NDST4: variants seen among roughly 807,000 people sequenced by gnomAD.
NDST4 encodes N-heparan sulfate sulfotransferase 4.
NDST4 carries 63 observed loss-of-function variants against 100.8 expected under a neutral mutation model. That is an observed-to-expected ratio of 0.62 (90% confidence interval 0.51 to 0.77). NDST4 has a LOEUF of 0.77. Ranked by LOEUF, NDST4 falls within the 30% of genes least tolerant of loss-of-function variation. The probability of loss-of-function intolerance (pLI) is 0.00; values close to 1 mark genes in which losing one functional copy is unlikely to be tolerated. For synonymous variants in NDST4, 377 were observed against 361.8 expected, an observed-to-expected ratio of 1.04 and a Z score of -0.48; for missense variants, 943 against 1,018.4, an observed-to-expected ratio of 0.93 and a Z score of 1.01.
intron 6 of NDST4, among the ~76,000 whole-genome samples, chr4:114,888,691 TTA>T (rs1174507722): frequency 1.3e-5 from 2 of 152,178 alleles, no homozygotes; most frequent in African/African-American, 4.8e-5. Flanking sequence ...AATCCATAAG[TTA>T]TTTCTTATAC....
chr4:115,076,704 G>A lies in NDST4; in HGVS notation c.333C>T (p.Ala111=), dbSNP rs1431274058. Reference sequence around the variant, plus strand: ...GAGGAGGTATATCTCCCTTTCCAGGGGCAATAACCATGTGGTACTGAAATC... The same window carrying A: ...GAGGAGGTATATCTCCCTTTCCAGGAGCAATAACCATGTGGTACTGAAATC... ...SSRFQYHMVI[A]PGKGDIPPLT... Residue 111 remains alanine, a synonymous_variant, in exon 2 of 14, where the codon GCC becomes GCT. Transcript: ENST00000264363. The A allele has an allele frequency of 3.7e-6, 6 of 1,613,692 alleles. No individual in the cohort carries two copies. Among genetic ancestry groups the A allele is most frequent in the Admixed American group, 1.7e-5 (1 of 59,978 alleles).
At chr4:114,901,839 T>C (rs997546317) in intron 6 of NDST4, among the ~76,000 whole-genome samples, 3 of 151,942 alleles carry the variant, frequency 2.0e-5, no homozygotes, top group African/African-American at 4.8e-5. Flanking sequence ...TTTTTCTTCT[T>C]CTTCATTTTT....
intron 6 of NDST4, among the ~76,000 whole-genome samples, chr4:114,924,787 G>T (rs188326179): frequency 3.1e-4 from 47 of 151,966 alleles, no homozygotes; most frequent in Non-Finnish European, 4.7e-4. Context: ...TTTGTAGGGT[G>T]GCTACAGTTT....
At chr4:114,989,166 G>A (rs1471927883) in intron 2 of NDST4, among the ~76,000 whole-genome samples, 3 of 152,066 alleles carry the variant, frequency 2.0e-5, no homozygotes, top group Admixed American at 2.0e-4. Flanking sequence ...GTAGATGAAG[G>A]GAAGCTAGTG....
chr4:115,096,027 C>T (rs185458066), intron 1 of NDST4, among the ~76,000 whole-genome samples: 23 of 152,054 alleles, frequency 1.5e-4, no homozygotes, highest in Admixed American at 5.2e-4. Flanking sequence ...CTCACAATCC[C>T]CCTTACCCAG....
intron 2 of NDST4, among the ~76,000 whole-genome samples, chr4:115,040,352 T>A (rs1281686519): frequency 6.7e-6 from 1 of 149,216 alleles, no homozygotes; most frequent in Admixed American, 6.8e-5. Context: ...AGATACATCT[T>A]AAGAACAATA....
At chr4:114,899,151 T>C (rs1338602527) in intron 6 of NDST4, among the ~76,000 whole-genome samples, 1 of 152,022 alleles carries the variant, frequency 6.6e-6, no homozygotes, top group African/African-American at 2.4e-5. Flanking sequence ...TTAAGTATGA[T>C]GTTAGCTACA....
At chr4:115,079,669 T>G (rs1729261725) in intron 1 of NDST4, among the ~76,000 whole-genome samples, 1 of 152,186 alleles carries the variant, frequency 6.6e-6, no homozygotes, top group Admixed American at 6.5e-5. Flanking sequence ...CTAGCATGCT[T>G]TTTAATGAGT....
At chr4:115,107,406 A>G (rs571450211) in intron 1 of NDST4, among the ~76,000 whole-genome samples, 20 of 152,108 alleles carry the variant, frequency 1.3e-4, no homozygotes, top group Non-Finnish European at 2.6e-4. Flanking sequence ...AGACCTGAGG[A>G]GGATAATCAA....
intron 2 of NDST4, among the ~76,000 whole-genome samples, chr4:115,069,834 G>A (rs1399716921): frequency 1.3e-5 from 2 of 152,198 alleles, no homozygotes; most frequent in African/African-American, 4.8e-5. Context: ...AGTGAGTTGA[G>A]ATCTTGCCAC....
chr4:114,951,579 T>G (rs559323717), intron 4 of NDST4, among the ~76,000 whole-genome samples: 2 of 152,170 alleles, frequency 1.3e-5, no homozygotes, highest in Non-Finnish European at 2.9e-5. Flanking sequence ...TATGTATACA[T>G]AAACATGTAC....
chr4:114,931,733 G>A (rs988967889), intron 6 of NDST4, among the ~76,000 whole-genome samples: 1 of 151,758 alleles, frequency 6.6e-6, no homozygotes, highest in Non-Finnish European at 1.5e-5. Context: ...AACCTAACAG[G>A]TTAACCTAGA....
intron 4 of NDST4, among the ~76,000 whole-genome samples, chr4:114,940,031 T>C (rs1318506312): frequency 6.6e-6 from 1 of 152,160 alleles, no homozygotes. Context: ...AAGCATCATA[T>C]TTCCAGAAGA....
At chr4:115,015,967 G>A (rs376997284) in intron 2 of NDST4, among the ~76,000 whole-genome samples, 1 of 151,998 alleles carries the variant, frequency 6.6e-6, no homozygotes, top group Admixed American at 6.6e-5. Context: ...GGAAGGAGCA[G>A]CATTTTGTTC....
chr4:114,870,455 G>A (rs536920674), intron 7 of NDST4, among the ~76,000 whole-genome samples: 1 of 152,074 alleles, frequency 6.6e-6, no homozygotes, highest in East Asian at 1.9e-4. Flanking sequence ...CTGCTAGTTA[G>A]TGCTCACACT....
At chr4:115,092,846 G>A (rs570570992) in intron 1 of NDST4, among the ~76,000 whole-genome samples, 22 of 152,090 alleles carry the variant, frequency 1.4e-4, no homozygotes, top group African/African-American at 5.1e-4. Flanking sequence ...AAATAAATAG[G>A]TCTGTTTAGG....
chr4:114,952,292 G>C (rs1726033993), intron 4 of NDST4, among the ~76,000 whole-genome samples: 1 of 152,024 alleles, frequency 6.6e-6, no homozygotes, highest in African/African-American at 2.4e-5. Flanking sequence ...GTATTTTGTA[G>C]GGGGCATTTA....
At chr4:114,981,031 G>A (rs1726758798) in intron 2 of NDST4, among the ~76,000 whole-genome samples, 1 of 152,048 alleles carries the variant, frequency 6.6e-6, no homozygotes, top group African/African-American at 2.4e-5. Flanking sequence ...GGGCAACATG[G>A]TGCAACCCCT....
At chr4:114,856,839 C>G (rs573726724) in intron 7 of NDST4, among the ~76,000 whole-genome samples, 4 of 152,214 alleles carry the variant, frequency 2.6e-5, no homozygotes, top group Admixed American at 2.6e-4. Context: ...AGCCTGCCAC[C>G]TTTTAAGCTT....
Sources: allele counts gnomAD v4.1 joint callset (sites outside exome capture counted in the v4.1 genomes callset), GRCh38; gene constraint gnomAD v4.1.1; transcripts MANE v1.5; gene names NCBI Gene and HGNC (gene_info 2026-07-23, HGNC 2026-07-21).